The following PDE10A variants were observed in gnomAD, a reference collection of about 807,000 sequenced individuals.
PDE10A encodes cAMP and cAMP-inhibited cGMP 3',5'-cyclic phosphodiesterase 10A.
A neutral mutation model predicts 97.7 loss-of-function variants in PDE10A; 39 were observed. That is an observed-to-expected ratio of 0.40 (90% CI 0.31 to 0.52). The LOEUF is 0.52. Ranked by LOEUF, PDE10A falls within the 20% of genes least tolerant of loss-of-function variation. The pLI is 0.56. For missense variants in PDE10A, 731 were observed against 1,047.8 expected (o/e 0.70, Z 4.17); for synonymous variants, 371 against 376.8 (o/e 0.98, Z 0.18).
At chr6:165,538,128 T>C (rs1329513550) in intron 2 of PDE10A, among the ~76,000 whole-genome samples, 2 of 152,108 alleles carry the variant, frequency 1.3e-5, no homozygotes, top group East Asian at 1.9e-4. Flanking sequence ...TTAGGGGGCA[T>C]AATTTAAATC....
chr6:165,773,846 A>G (rs1778086384), intron 1 of PDE10A, among the ~76,000 whole-genome samples: 1 of 152,184 alleles, frequency 6.6e-6, no homozygotes, highest in Admixed American at 6.5e-5. Flanking sequence ...TTAGGGTGTC[A>G]TTTACAATGG....
chr6:165,456,008 G>A (rs1777933408), intron 3 of PDE10A, among the ~76,000 whole-genome samples: 1 of 152,112 alleles, frequency 6.6e-6, no homozygotes, highest in Non-Finnish European at 1.5e-5. Flanking sequence ...CATTGTTTGA[G>A]GTCACCAAAA....
At chr6:165,577,128 A>C (rs934475936) in intron 1 of PDE10A, among the ~76,000 whole-genome samples, 11 of 152,220 alleles carry the variant, frequency 7.2e-5, no homozygotes, top group Non-Finnish European at 1.3e-4. Flanking sequence ...GCCCTTCCTA[A>C]AAGGCTCATG....
intron 12 of PDE10A, among the ~76,000 whole-genome samples, chr6:165,414,913 T>G (rs1489186566): frequency 6.6e-6 from 1 of 152,222 alleles, no homozygotes; most frequent in Admixed American, 6.5e-5. Flanking sequence ...TACATCTATA[T>G]TCCCCTCACT....
intron 18 of PDE10A, among the ~76,000 whole-genome samples, chr6:165,343,909 A>G (rs760951745): frequency 3.9e-5 from 6 of 152,188 alleles, no homozygotes; most frequent in Non-Finnish European, 7.4e-5. Context: ...CTTTCATTTT[A>G]TATTAGCAAA....
intron 2 of PDE10A, among the ~76,000 whole-genome samples, chr6:165,536,370 T>C (rs777875474): frequency 6.6e-5 from 10 of 151,936 alleles, no homozygotes; most frequent in South Asian, 6.2e-4. Context: ...GAAAAAAACA[T>C]TGGGGAAATG....
intron 1 of PDE10A, among the ~76,000 whole-genome samples, chr6:165,625,440 T>C (rs9459462): frequency 0.71 from 108,367 of 152,106 alleles, 39,269 homozygotes; most frequent in Middle Eastern, 0.85. Context: ...CCTGAGCAAA[T>C]GGAAGAATAG....
chr6:165,660,287 CCACATGCTCTGTCCATG>C (rs1790175411), intron 1 of PDE10A: 1 of 152,518 alleles, frequency 6.6e-6, no homozygotes, highest in African/African-American at 2.4e-5. Context: ...ACAGAGAAGG[CCACATGCTCTGTCCATG>C]CACACCCATC....
chr6:165,750,808 G>A (rs1792981126), intron 1 of PDE10A, among the ~76,000 whole-genome samples: 1 of 152,168 alleles, frequency 6.6e-6, no homozygotes, highest in South Asian at 2.1e-4. Flanking sequence ...AGTCTGACCT[G>A]CACAGAACGT....
At chr6:165,407,681 A>G (rs1787316711) in intron 13 of PDE10A, among the ~76,000 whole-genome samples, 1 of 152,202 alleles carries the variant, frequency 6.6e-6, no homozygotes, top group African/African-American at 2.4e-5. Context: ...TGCCCCTTTC[A>G]TGTTAAATGT....
At chr6:165,878,031 T>C (rs34092665) in intron 1 of PDE10A, among the ~76,000 whole-genome samples, 42,392 of 152,024 alleles carry the variant, frequency 0.28, 6,240 homozygotes, top group East Asian at 0.42. Flanking sequence ...GATAAACAGA[T>C]TGATGATCAA....
intron 1 of PDE10A, among the ~76,000 whole-genome samples, chr6:165,630,762 C>T (rs1031528901): frequency 5.3e-5 from 8 of 151,952 alleles, no homozygotes; most frequent in Admixed American, 1.3e-4. Flanking sequence ...GTGAAGTAAC[C>T]TCACAAAAAA....
At chr6:165,697,463 C>G (rs1582949220) in intron 1 of PDE10A, among the ~76,000 whole-genome samples, 1 of 152,296 alleles carries the variant, frequency 6.6e-6, no homozygotes, top group East Asian at 1.9e-4. Flanking sequence ...CCATTTGGTG[C>G]TATCTGACCT....
At chr6:165,744,294 T>A (rs1023790774) in intron 1 of PDE10A, among the ~76,000 whole-genome samples, 1 of 152,274 alleles carries the variant, frequency 6.6e-6, no homozygotes, top group East Asian at 1.9e-4. Flanking sequence ...CTATAATAAA[T>A]AAGAACACAT....
intron 19 of PDE10A, among the ~76,000 whole-genome samples, chr6:165,343,073 T>C (rs997477815): frequency 6.6e-6 from 1 of 152,324 alleles, no homozygotes. Context: ...CTATCTAAAG[T>C]AGATGGCCAG....
chr6:165,719,368 C>G (rs1200069571), intron 1 of PDE10A, among the ~76,000 whole-genome samples: 1 of 152,122 alleles, frequency 6.6e-6, no homozygotes, highest in Non-Finnish European at 1.5e-5. Context: ...GGAAAGCAGC[C>G]AGCAGGAAGA....
At chr6:165,402,555 C>T (rs867195120) in intron 13 of PDE10A, among the ~76,000 whole-genome samples, 1 of 151,998 alleles carries the variant, frequency 6.6e-6, no homozygotes, top group Non-Finnish European at 1.5e-5. Context: ...TATAACACTG[C>T]GTAAATAATC....
At chr6:165,616,461 T>C (rs1468322102) in intron 1 of PDE10A, among the ~76,000 whole-genome samples, 1 of 152,162 alleles carries the variant, frequency 6.6e-6, no homozygotes, top group African/African-American at 2.4e-5. Context: ...GTCACTCCTT[T>C]AGAAAAACGT....
At chr6:165,379,167 T>G in intron 18 of PDE10A, 27 bp downstream of exon 18, 1 of 1,510,460 alleles carries the variant, frequency 6.6e-7, no homozygotes, top group Non-Finnish European at 9.1e-7. Flanking sequence ...CTTTCTGGGC[T>G]TCTAAGCTTT....
Sources: allele counts gnomAD v4.1 joint callset (sites outside exome capture counted in the v4.1 genomes callset), GRCh38; gene constraint gnomAD v4.1.1; transcripts MANE v1.5; gene names NCBI Gene and HGNC (gene_info 2026-07-23, HGNC 2026-07-21).